The following MTHFD1L variants were observed in gnomAD, a reference collection of about 807,000 sequenced individuals.
The protein encoded by MTHFD1L is monofunctional C1-tetrahydrofolate synthase, mitochondrial.
In MTHFD1L, 81 loss-of-function variants were observed where a neutral mutation model predicts 119.5. The ratio of observed to expected loss-of-function variants is 0.68; its 90% CI spans 0.57 to 0.82. The LOEUF is 0.82. MTHFD1L is among the 40% of genes least tolerant of loss of function. The pLI, the probability that MTHFD1L is intolerant of heterozygous loss-of-function variation, is 0.00. For synonymous variants in MTHFD1L, 430 were observed against 475.2 expected (o/e 0.90, Z 1.24); for missense variants, 1,125 against 1,253.4 (o/e 0.90, Z 1.55).
intron 7 of MTHFD1L, among the ~76,000 whole-genome samples, chr6:150,889,102 G>A (rs977594752): frequency 5.3e-5 from 8 of 152,122 alleles, no homozygotes; most frequent in Non-Finnish European, 7.4e-5. Context: ...GCTTGAACCC[G>A]GGAGGCAGGG....
intron 24 of MTHFD1L, chr6:151,021,942 T>C (rs757461085): frequency 4.8e-5 from 22 of 460,670 alleles, no homozygotes; most frequent in Admixed American, 4.0e-4. Flanking sequence ...TCCTCTAGCC[T>C]TGCAAACATT....
At chr6:151,051,647 A>AC (rs372719570) in intron 26 of MTHFD1L, among the ~76,000 whole-genome samples, 10 of 151,890 alleles carry the variant, frequency 6.6e-5, no homozygotes, top group African/African-American at 1.7e-4. Context: ...CTGCTGCCAT[A>AC]CCCCCCCAGA....
chr6:150,878,185 TGGC>T (rs1780787023), intron 4 of MTHFD1L, among the ~76,000 whole-genome samples: 2 of 152,118 alleles, frequency 1.3e-5, no homozygotes, highest in Non-Finnish European at 2.9e-5. Flanking sequence ...TTCTTCCTAC[TGGC>T]TTCATGTGAC....
chr6:150,982,730 C>G (rs958598050), intron 20 of MTHFD1L, among the ~76,000 whole-genome samples: 1 of 150,638 alleles, frequency 6.6e-6, no homozygotes, highest in East Asian at 1.9e-4. Flanking sequence ...GACAGAGTCT[C>G]TCTCTGTTGC....
At chr6:151,035,993 A>T (rs1264916402) in intron 25 of MTHFD1L, among the ~76,000 whole-genome samples, 1 of 152,252 alleles carries the variant, frequency 6.6e-6, no homozygotes, top group Non-Finnish European at 1.5e-5. Flanking sequence ...TTCAAAAAGA[A>T]AATGGCCCCA....
At chr6:150,890,739 TA>T (rs1783112260) in intron 7 of MTHFD1L, among the ~76,000 whole-genome samples, 1 of 151,996 alleles carries the variant, frequency 6.6e-6, no homozygotes, top group Non-Finnish European at 1.5e-5. Flanking sequence ...CAAAAAGCTC[TA>T]GAACAGTAAG....
At chr6:150,896,680 C>T (rs1443774143) in intron 7 of MTHFD1L, among the ~76,000 whole-genome samples, 1 of 152,030 alleles carries the variant, frequency 6.6e-6, no homozygotes, top group Admixed American at 6.5e-5. Context: ...TTTGTTAATA[C>T]CAAGGAAGAA....
At chr6:151,085,829 C>T (rs1042912604) in intron 26 of MTHFD1L, among the ~76,000 whole-genome samples, 2 of 152,018 alleles carry the variant, frequency 1.3e-5, no homozygotes, top group African/African-American at 2.4e-5. Flanking sequence ...GTGTAGTCTG[C>T]CCCTCTACAA....
chr6:150,870,732 A>T (rs2128722075), intron 1 of MTHFD1L, among the ~76,000 whole-genome samples: 1 of 151,878 alleles, frequency 6.6e-6, no homozygotes, highest in Admixed American at 6.6e-5. Flanking sequence ...CCAACATAGT[A>T]AAACCCTGTC....
At chr6:151,100,704 G>A (rs1795300588) in intron 27 of MTHFD1L, among the ~76,000 whole-genome samples, 1 of 151,018 alleles carries the variant, frequency 6.6e-6, no homozygotes, top group South Asian at 2.1e-4. Context: ...TTCAAGAATG[G>A]CAATGAATCT....
chr6:150,921,431 T>C (rs569349902), intron 9 of MTHFD1L, among the ~76,000 whole-genome samples: 11 of 152,302 alleles, frequency 7.2e-5, no homozygotes, highest in Non-Finnish European at 1.6e-4. Context: ...TTTGTATTTT[T>C]AGTAGAGACA....
intron 20 of MTHFD1L, among the ~76,000 whole-genome samples, chr6:151,000,105 C>T (rs946783292): frequency 3.9e-5 from 6 of 152,020 alleles, no homozygotes; most frequent in African/African-American, 1.4e-4. Context: ...TTTGGGAAGC[C>T]GAGGCAGGTG....
In MTHFD1L at chr6:151,000,354, A is replaced by G. The variant is rs1780444689; in HGVS notation, c.2126-9465A>G. The stretch of plus-strand genomic sequence containing the variant: ...CTGTCTCAAAAAAAAAAAAAAAAAG[A>G]AAAAAATTGAGGTTTGTGCCAGTTT... On this transcript the variant is annotated intron_variant, in intron 20 of 27. Transcript: ENST00000367321. Among the ~76,000 whole-genome samples, 3 of 151,176 alleles carry G rather than the reference A, an allele frequency of 2.0e-5. No individual in the cohort carries two copies. The South Asian group carries it at 6.2e-4, about 31-fold the overall frequency.
At chr6:151,021,964 C>G (rs1784000100) in intron 24 of MTHFD1L, 1 of 469,304 alleles carries the variant, frequency 2.1e-6, no homozygotes, top group South Asian at 1.6e-5. Context: ...TAAGGTGTAG[C>G]CTTGACAGCA....
chr6:150,936,544 C>G (rs1792088705), intron 11 of MTHFD1L, among the ~76,000 whole-genome samples: 1 of 152,134 alleles, frequency 6.6e-6, no homozygotes, highest in African/African-American at 2.4e-5. Context: ...GTTTTATGGC[C>G]TTTCTTGAAA....
chr6:150,887,370 T>C (rs938995336), intron 6 of MTHFD1L, among the ~76,000 whole-genome samples: 1 of 152,188 alleles, frequency 6.6e-6, no homozygotes, highest in Admixed American at 6.5e-5. Flanking sequence ...CCAAAAGGGT[T>C]TGAATAGAGA....
At position 150,899,649 on chromosome 6, in the gene MTHFD1L, A is replaced by G. The variant is rs557484125; in HGVS notation, c.781-6001A>G. Among the ~76,000 whole-genome samples, 303 of 152,320 alleles carry G rather than the reference A, an allele frequency of 2.0e-3. 1 individual carries two copies. Among genetic ancestry groups the G allele is most frequent in the African/African-American group, 6.8e-3 (284 of 41,570 alleles). On this transcript the variant is annotated intron_variant, in intron 7 of 27. Coordinates refer to ENST00000367321, the MANE Select transcript of MTHFD1L (RefSeq NM_015440.5). ...TATGATCAATGTTCATTTAATTTCA[A>G]ATACAAAGTTAGACATTCAGAGTTA... is the stretch of plus-strand genomic sequence containing the variant.
chr6:150,938,646 G>C, intron 12 of MTHFD1L, 53 bp from the exon 13 acceptor site: 1 of 1,579,074 alleles, frequency 6.3e-7, no homozygotes, highest in Non-Finnish European at 8.6e-7. Flanking sequence ...TGTGTCCATC[G>C]TGGCAGCTGT....
intron 14 of MTHFD1L, 135 bp from the exon 15 acceptor site, chr6:150,945,332 C>A: frequency 3.2e-6 from 2 of 628,558 alleles, no homozygotes; most frequent in African/African-American, 1.9e-5. Context: ...TTATATTAGC[C>A]CACAAATTTT....
Sources: allele counts gnomAD v4.1 joint callset (sites outside exome capture counted in the v4.1 genomes callset), GRCh38; gene constraint gnomAD v4.1.1; transcripts MANE v1.5; gene names NCBI Gene and HGNC (gene_info 2026-07-23, HGNC 2026-07-21).